JAZF1: variants seen among roughly 807,000 people sequenced by gnomAD.
JAZF1 encodes the protein JAZF zinc finger 1.
Under a neutral mutation model 26.4 loss-of-function variants are expected in JAZF1, and 8 were observed. That is an observed-to-expected ratio of 0.30 (90% CI 0.18 to 0.55). The LOEUF (loss-of-function observed/expected upper bound fraction) is 0.55, where lower values mean the gene tolerates loss of function less well. Among genes scored for constraint, JAZF1 ranks in the 20% least tolerant of loss-of-function variants. JAZF1 has a pLI of 0.94. For missense variants in JAZF1, 199 were observed against 322.0 expected (o/e 0.62, Z 2.92); for synonymous variants, 126 against 122.3 (o/e 1.03, Z -0.20).
At chr7:27,846,599 T>A (rs1245359873) in intron 3 of JAZF1, 1 of 468,962 alleles carries the variant, frequency 2.1e-6, no homozygotes, top group Non-Finnish European at 4.4e-6. Flanking sequence ...GTTAGCTCTA[T>A]TTTGCTAACA....
At chr7:27,852,278 T>C (rs1364491810) in intron 3 of JAZF1, among the ~76,000 whole-genome samples, 1 of 151,960 alleles carries the variant, frequency 6.6e-6, no homozygotes, top group Non-Finnish European at 1.5e-5. Flanking sequence ...ATTACAGACG[T>C]GCGCCCCAAC....
intron 2 of JAZF1, among the ~76,000 whole-genome samples, chr7:27,915,551 G>C (rs980581023): frequency 1.3e-5 from 2 of 152,162 alleles, no homozygotes; most frequent in Non-Finnish European, 2.9e-5. Context: ...TAAAAATGAA[G>C]CAAGTTTTAA....
At chr7:28,096,169 G>C (rs1784381363) in intron 1 of JAZF1, among the ~76,000 whole-genome samples, 1 of 152,252 alleles carries the variant, frequency 6.6e-6, no homozygotes, top group Non-Finnish European at 1.5e-5. Context: ...ACTGAAGAGA[G>C]AAGTGGGAGG....
chr7:27,977,846 A>G (rs1392843422), intron 2 of JAZF1, among the ~76,000 whole-genome samples: 3 of 152,182 alleles, frequency 2.0e-5, no homozygotes, highest in African/African-American at 7.2e-5. Context: ...CAGTAAGGAC[A>G]TTGTCCTCAG....
intron 3 of JAZF1, chr7:27,841,114 G>T: frequency 2.3e-6 from 1 of 429,190 alleles, no homozygotes; most frequent in Non-Finnish European, 4.2e-6. Flanking sequence ...AGGAGTTGGC[G>T]GAGCAAGAAC....
intron 3 of JAZF1, among the ~76,000 whole-genome samples, chr7:27,850,524 T>G (rs1158491407): frequency 1.3e-5 from 2 of 152,236 alleles, no homozygotes; most frequent in African/African-American, 2.4e-5. Context: ...TGGTCATTAT[T>G]TGTGATTACC....
chr7:28,076,245 A>C (rs1162714255), intron 1 of JAZF1, among the ~76,000 whole-genome samples: 1 of 152,236 alleles, frequency 6.6e-6, no homozygotes, highest in African/African-American at 2.4e-5. Context: ...CCCAGAGCAA[A>C]ATGGGAAGGT....
chr7:28,119,339 C>A (rs1298375392), intron 1 of JAZF1, among the ~76,000 whole-genome samples: 3 of 152,154 alleles, frequency 2.0e-5, no homozygotes, highest in African/African-American at 4.8e-5. Flanking sequence ...CGCTGCCCCT[C>A]CCCTCCAACA....
intron 1 of JAZF1, among the ~76,000 whole-genome samples, chr7:28,098,293 G>A (rs547413970): frequency 2.0e-4 from 31 of 151,976 alleles, no homozygotes; most frequent in African/African-American, 7.2e-4. Context: ...GAAGTGAATC[G>A]GCCAGCACCT....
At chr7:27,889,360 C>G (rs1300913762) in intron 3 of JAZF1, among the ~76,000 whole-genome samples, 1 of 152,104 alleles carries the variant, frequency 6.6e-6, no homozygotes, top group Non-Finnish European at 1.5e-5. Flanking sequence ...CCAAGACAAC[C>G]TGCTCTCTAA....
chr7:28,081,445 G>C (rs1439709610), intron 1 of JAZF1, among the ~76,000 whole-genome samples: 1 of 152,136 alleles, frequency 6.6e-6, no homozygotes, highest in East Asian at 1.9e-4. Flanking sequence ...CTAAGGTTTG[G>C]TCATAACCAG....
intron 2 of JAZF1, among the ~76,000 whole-genome samples, chr7:27,925,087 T>C: frequency 6.6e-6 from 1 of 152,226 alleles, no homozygotes; most frequent in East Asian, 1.9e-4. Context: ...GGACTTCCTA[T>C]TGAAAACACC....
At chr7:27,892,234 G>A (rs1783986744) in intron 3 of JAZF1, among the ~76,000 whole-genome samples, 1 of 152,160 alleles carries the variant, frequency 6.6e-6, no homozygotes, top group Non-Finnish European at 1.5e-5. Context: ...AATTTTTGAT[G>A]TTTACATGGA....
intron 2 of JAZF1, among the ~76,000 whole-genome samples, chr7:27,981,772 C>T (rs1050545127): frequency 6.6e-6 from 1 of 152,094 alleles, no homozygotes; most frequent in Non-Finnish European, 1.5e-5. Flanking sequence ...CTCACTTTCT[C>T]CGAGATGACT....
intron 3 of JAZF1, among the ~76,000 whole-genome samples, chr7:27,876,246 G>A (rs1023267390): frequency 1.3e-5 from 2 of 152,172 alleles, no homozygotes; most frequent in African/African-American, 4.8e-5. Context: ...TCTTCAACCT[G>A]CTTCCAGAAC....
chr7:27,952,277 G>C (rs182439304), intron 2 of JAZF1, among the ~76,000 whole-genome samples: 1 of 152,128 alleles, frequency 6.6e-6, no homozygotes, highest in African/African-American at 2.4e-5. Context: ...GGTGGGGAGG[G>C]GTCAGAGAAG....
chr7:28,120,089 A>G (rs573145902), intron 1 of JAZF1, among the ~76,000 whole-genome samples: 1 of 152,256 alleles, frequency 6.6e-6, no homozygotes, highest in East Asian at 1.9e-4. Context: ...TAGGTACCCA[A>G]GCCCACATCA....
chr7:28,127,477 C>A (rs1782716071), intron 1 of JAZF1, among the ~76,000 whole-genome samples: 1 of 152,096 alleles, frequency 6.6e-6, no homozygotes, highest in African/African-American at 2.4e-5. Context: ...CAAACCTTCA[C>A]CAGGCTTGCC....
intron 1 of JAZF1, among the ~76,000 whole-genome samples, chr7:28,016,019 T>A (rs1782884373): frequency 6.6e-6 from 1 of 152,192 alleles, no homozygotes; most frequent in Admixed American, 6.5e-5. Flanking sequence ...TAGCTGCTCC[T>A]CTTCCAGACA....
Sources: gnomAD v4.1 joint callset for allele counts (sites outside exome capture counted in the v4.1 genomes callset) on GRCh38, gnomAD v4.1.1 for gene constraint, MANE v1.5 for transcripts, NCBI Gene and HGNC (gene_info 2026-07-23, HGNC 2026-07-21) for gene names.